The following DNAH11 variants were observed in gnomAD, a reference collection of about 807,000 sequenced individuals.
DNAH11 encodes the protein dynein axonemal heavy chain 11, also known as axonemal beta dynein heavy chain 11.
Under a neutral mutation model 526.0 loss-of-function variants are expected in DNAH11, and 442 were observed. The ratio of observed to expected loss-of-function variants is 0.84; its 90% CI spans 0.78 to 0.91. DNAH11 has a LOEUF of 0.91. Among genes scored for constraint, DNAH11 ranks in the 40% least tolerant of loss-of-function variants. The probability of loss-of-function intolerance (pLI) is 0.00; values close to 1 mark genes in which losing one functional copy is unlikely to be tolerated. For synonymous variants in DNAH11, 2,461 were observed against 1,935.9 expected (o/e 1.27, Z -7.12); for missense variants, 6,989 against 5,448.7 (o/e 1.28, Z -8.90).
At chr7:21,674,858 A>G (rs534045972) in intron 30 of DNAH11, among the ~76,000 whole-genome samples, 3 of 148,458 alleles carry the variant, frequency 2.0e-5, no homozygotes, top group East Asian at 2.0e-4. Flanking sequence ...CCAACTGCAG[A>G]AAAAAAAAAG....
intron 61 of DNAH11, among the ~76,000 whole-genome samples, chr7:21,794,958 C>T (rs1226720977): frequency 6.6e-6 from 1 of 152,080 alleles, no homozygotes; most frequent in African/African-American, 2.4e-5. Flanking sequence ...TAGGGACGTT[C>T]TTTCTTCTGC....
chr7:21,625,754 C>T (rs1786301826), intron 25 of DNAH11, among the ~76,000 whole-genome samples: 1 of 151,938 alleles, frequency 6.6e-6, no homozygotes, highest in Non-Finnish European at 1.5e-5. Flanking sequence ...TCTTCTTTGA[C>T]CCATTGGTTG....
intron 70 of DNAH11, among the ~76,000 whole-genome samples, 176 bp from the exon 71 acceptor site, chr7:21,866,294 C>A (rs1490219816): frequency 7.0e-6 from 1 of 142,512 alleles, no homozygotes; most frequent in Non-Finnish European, 1.5e-5. Context: ...GCTCAAGTGT[C>A]CTTTGAGCTT....
intron 49 of DNAH11, among the ~76,000 whole-genome samples, chr7:21,743,294 T>A (rs1204471872): frequency 1.3e-5 from 2 of 152,252 alleles, no homozygotes; most frequent in Admixed American, 1.3e-4. Flanking sequence ...TTTAAACATA[T>A]ATGAAGAGAA....
intron 25 of DNAH11, among the ~76,000 whole-genome samples, chr7:21,631,259 A>T (rs1219639704): frequency 1.3e-5 from 2 of 152,194 alleles, no homozygotes; most frequent in Non-Finnish European, 2.9e-5. Context: ...CTCACAAAAC[A>T]TGGGAATTCA....
In DNAH11 at chr7:21,787,400, G is replaced by T; in HGVS notation, c.9742-1G>T. On this transcript the variant is annotated splice_acceptor_variant, in intron 59 of 81. Coordinates refer to ENST00000409508, the MANE Select transcript of DNAH11 (RefSeq NM_001277115.2). LOFTEE classifies it high-confidence loss of function. Reference sequence around the variant, plus strand: ...TTGCAATAAATCTTTTTGCTTTGCAGGTTGATGATTTTTTGCAAGCATTAA... The same window carrying T: ...TTGCAATAAATCTTTTTGCTTTGCATGTTGATGATTTTTTGCAAGCATTAA... The T allele has an allele frequency of 6.3e-7, 1 of 1,598,584 alleles. No homozygotes were observed. Among genetic ancestry groups the T allele is most frequent in the Non-Finnish European group, 8.5e-7 (1 of 1,173,208 alleles).
rs180779530 is a variant in DNAH11, at chr7:21,560,406, G to A, written c.882+614G>A. On this transcript the variant is annotated intron_variant, in intron 4 of 81. Coordinates refer to ENST00000409508, the MANE Select transcript of DNAH11 (RefSeq NM_001277115.2). ...AAAATTCTACAATAGGCTGTCTGTA[G>A]TTGAGGAGCAAGGGAGCCAGTTGTG... Among the ~76,000 whole-genome samples the A allele has an allele frequency of 2.8e-3, 423 of 152,288 alleles. 1 individual carries two copies. Among genetic ancestry groups the A allele is most frequent in the Non-Finnish European group, 4.4e-3 (298 of 68,026 alleles).
At chr7:21,811,300 C>A (rs1271784557) in intron 63 of DNAH11, among the ~76,000 whole-genome samples, 5 of 151,378 alleles carry the variant, frequency 3.3e-5, no homozygotes, top group Admixed American at 6.6e-5. Context: ...CCCCCCCCTA[C>A]TAAAAATTAG....
chr7:21,659,547 A>G (rs1405639915), intron 30 of DNAH11, among the ~76,000 whole-genome samples: 1 of 152,014 alleles, frequency 6.6e-6, no homozygotes, highest in African/African-American at 2.4e-5. Context: ...GCTGTGAGCT[A>G]TATAACAGTT....
chr7:21,611,734 G>A (rs1018396417), intron 20 of DNAH11, among the ~76,000 whole-genome samples: 5 of 152,144 alleles, frequency 3.3e-5, no homozygotes, highest in African/African-American at 4.8e-5. Flanking sequence ...AGCAACAATC[G>A]GAGCCAGAAG....
At position 21,600,798 on chromosome 7, in the gene DNAH11, G is replaced by A; in HGVS notation, c.3123G>A (p.Trp1041Ter). 1 of 1,613,862 alleles carries A rather than the reference G, an allele frequency of 6.2e-7. No homozygotes were observed. The highest frequency in any genetic ancestry group is 8.5e-7 in the Non-Finnish European group (1 of 1,179,844). The change falls in exon 16 of 82, where the codon TGG (tryptophan) becomes TGA (stop). Residue 1041 changes from tryptophan (W) to a stop codon, truncating the protein, a stop_gained. Transcript: ENST00000409508. LOFTEE classifies it high-confidence loss of function. ...CCCTGGAGACCCACACTTACCTCTG[G>A]GTGGATGATCGAGCTGAGTTTATGA... ...RNTLETHTYL[W>*]VDDRAEFMKH...
chr7:21,565,963 T>C (rs974750900), intron 6 of DNAH11, among the ~76,000 whole-genome samples: 2 of 152,234 alleles, frequency 1.3e-5, no homozygotes, highest in Admixed American at 1.3e-4. Context: ...TTTTGCCCTT[T>C]TGTTAAACAG....
At chr7:21,758,449 C>T (rs987846387) in intron 54 of DNAH11, among the ~76,000 whole-genome samples, 1 of 152,054 alleles carries the variant, frequency 6.6e-6, no homozygotes, top group Admixed American at 6.6e-5. Context: ...CATCATTCAG[C>T]AAATATGTAC....
chr7:21,854,111 C>G (rs1782740591), intron 67 of DNAH11, among the ~76,000 whole-genome samples: 1 of 152,114 alleles, frequency 6.6e-6, no homozygotes, highest in African/African-American at 2.4e-5. Context: ...TATGTCCATT[C>G]TCACTGAAAC....
intron 56 of DNAH11, among the ~76,000 whole-genome samples, chr7:21,776,580 A>G (rs1035835439): frequency 2.6e-5 from 4 of 152,192 alleles, no homozygotes; most frequent in Admixed American, 6.5e-5. Context: ...CTCTCTCTAG[A>G]TGTCAGCTTA....
chr7:21,749,573 G>A (rs1051316297), intron 52 of DNAH11, 105 bp from the exon 53 acceptor site: 1 of 1,482,646 alleles, frequency 6.7e-7, no homozygotes, highest in African/African-American at 1.4e-5. Context: ...GCACCCCACA[G>A]TGCTATGGCG....
intron 18 of DNAH11, 62 bp from the exon 19 acceptor site, chr7:21,606,364 C>T (rs1195767756): frequency 3.1e-6 from 4 of 1,298,534 alleles, no homozygotes; most frequent in Non-Finnish European, 4.3e-6. Context: ...TCATTTAATC[C>T]TATAGGGTTG....
rs1201326374 is a variant in DNAH11 at position 21,744,759 on chromosome 7, C to A, written c.8317-111C>A. 6 of 1,435,876 alleles carry A rather than the reference C, an allele frequency of 4.2e-6. No individual in the cohort carries two copies. The African/African-American group carries it at 5.8e-5, about 14-fold the overall frequency. 88.9% of individuals were successfully genotyped at this position (1,435,876 alleles called of 1,614,324 possible). A position where few individuals can be genotyped will look rare whatever the true frequency, so the allele number is the denominator to read the frequency against. ...GGTCTATGCTTGGGAACATTCCACC[C>A]ACCTACCCATGTGTGGGTCTGCAAG... On this transcript the variant is annotated intron_variant, in intron 50 of 81. Transcript: ENST00000409508.
Position 21,543,097 on chromosome 7 carries a change from A to G in DNAH11, c.-149A>G. ...AGCTGTGCGCAGTGGCGCGGCTGCTAAGTAGCAGCAGGTGGGAGACTAGGG... is the reference window on the plus strand; with the variant it reads ...AGCTGTGCGCAGTGGCGCGGCTGCTGAGTAGCAGCAGGTGGGAGACTAGGG... On this transcript the variant is annotated 5_prime_UTR_variant, in exon 1 of 82. Coordinates refer to ENST00000409508, the MANE Select transcript of DNAH11 (RefSeq NM_001277115.2). 3 of 1,405,248 alleles carry G rather than the reference A, an allele frequency of 2.1e-6. No homozygotes were observed. Among genetic ancestry groups the G allele is most frequent in the Non-Finnish European group, 2.8e-6 (3 of 1,083,292 alleles). The allele number at this position is 1,405,248 out of a possible 1,614,324, so 87.0% of individuals were successfully genotyped here. A position where few individuals can be genotyped will look rare whatever the true frequency, so the allele number is the denominator to read the frequency against.
Sources: allele counts gnomAD v4.1 joint callset (sites outside exome capture counted in the v4.1 genomes callset), GRCh38; gene constraint gnomAD v4.1.1; transcripts MANE v1.5; gene names NCBI Gene and HGNC (gene_info 2026-07-23, HGNC 2026-07-21).